Variants in TRAP1 observed in about 807,000 individuals in gnomAD.
TRAP1 encodes the protein TNF receptor associated protein 1.
In TRAP1, 102 loss-of-function variants were observed where a neutral mutation model predicts 89.1. The ratio of observed to expected loss-of-function variants is 1.15; its 90% CI spans 0.98 to 1.35. The LOEUF is 1.35. Ranked by LOEUF, TRAP1 falls within the 40% of genes most tolerant of loss-of-function variation. The pLI is 0.00. For synonymous variants in TRAP1, 508 were observed against 388.0 expected (o/e 1.31, Z -3.64); for missense variants, 1,256 against 945.3 (o/e 1.33, Z -4.31).
At position 3,670,653 on chromosome 16, in the gene TRAP1, G is replaced by A. The variant is rs529600215; in HGVS notation, c.1235+1069C>T. ...CAAGAGGTTGAGGCTGCAGTGAGCTGTGATCACACCACTGCATTCCAACCT... is the reference window on the plus strand; with the variant it reads ...CAAGAGGTTGAGGCTGCAGTGAGCTATGATCACACCACTGCATTCCAACCT... On this transcript the variant is annotated intron_variant, in intron 11 of 17. Coordinates refer to ENST00000246957, the MANE Select transcript of TRAP1 (RefSeq NM_016292.3). Among the ~76,000 whole-genome samples the A allele has an allele frequency of 8.5e-5, 13 of 152,314 alleles. No individual in the cohort carries two copies. In the South Asian group the frequency reaches 1.7e-3, roughly 19 times the overall value.
At position 3,674,524 on chromosome 16, in the gene TRAP1, C is replaced by G. The variant is rs751303818; in HGVS notation, c.889-30G>C. ...AAACGGAGATCGGCGGGGAGGGCGT[C>G]GTGTTCACCACGCACGTCTTCTCCA... is the stretch of plus-strand genomic sequence containing the variant. On this transcript the variant is annotated intron_variant, in intron 8 of 17. Transcript: ENST00000246957. 5 of 1,609,424 alleles carry G rather than the reference C, an allele frequency of 3.1e-6. No homozygotes were observed. The African/African-American group carries it at 6.7e-5, about 21-fold the overall frequency.
intron 4 of TRAP1, among the ~76,000 whole-genome samples, chr16:3,683,202 A>T (rs2051095588): frequency 1.3e-5 from 2 of 152,044 alleles, no homozygotes. Flanking sequence ...ATCAAAAACA[A>T]GGAAAGTCTG....
At chr16:3,665,236 C>G (rs1337739873) in intron 12 of TRAP1, 3 of 152,230 alleles carry the variant, frequency 2.0e-5, no homozygotes, top group Admixed American at 2.0e-4. Context: ...AACCAGAACA[C>G]GGCCTCCTTG....
intron 4 of TRAP1, among the ~76,000 whole-genome samples, chr16:3,681,482 A>C (rs2051072761): frequency 6.6e-6 from 1 of 152,230 alleles, no homozygotes; most frequent in Non-Finnish European, 1.5e-5. Flanking sequence ...ACATGTGTGC[A>C]TGTTTCACGG....
chr16:3,710,887 T>TTTTTTGTTTG, intron 1 of TRAP1, among the ~76,000 whole-genome samples: 2 of 145,346 alleles, frequency 1.4e-5, no homozygotes, highest in East Asian at 4.5e-4. Context: ...ATATTTTTTT[T>TTTTTTGTTTG]TTTGAGACAC....
chr16:3,706,179 C>T (rs1015325994), intron 1 of TRAP1, among the ~76,000 whole-genome samples: 4 of 152,124 alleles, frequency 2.6e-5, no homozygotes, highest in African/African-American at 9.7e-5. Flanking sequence ...GTCTCAAACT[C>T]CTGACCTCAA....
chr16:3,661,389 C>G (rs2043065104), intron 16 of TRAP1: 1 of 152,086 alleles, frequency 6.6e-6, no homozygotes, highest in African/African-American at 2.4e-5. Flanking sequence ...CTGGGGGGTT[C>G]TCGGTGCACC....
chr16:3,677,393 C>CAGAAAATGCCT, intron 6 of TRAP1, 105 bp downstream of exon 6: 1 of 1,467,526 alleles, frequency 6.8e-7, no homozygotes, highest in Non-Finnish European at 9.3e-7. Flanking sequence ...ATAAAAAGCC[C>CAGAAAATGCCT]AGAAAATGCC....
chr16:3,687,541 C>T (rs2051153741), intron 3 of TRAP1, among the ~76,000 whole-genome samples: 1 of 152,140 alleles, frequency 6.6e-6, no homozygotes, highest in Non-Finnish European at 1.5e-5. Context: ...CCCAGCTGTC[C>T]CTCAGGAGCT....
intron 11 of TRAP1, 111 bp downstream of exon 11, chr16:3,671,611 G>C: frequency 8.2e-7 from 1 of 1,223,462 alleles, no homozygotes; most frequent in Non-Finnish European, 1.2e-6. Flanking sequence ...GGGCTTCCCC[G>C]ACCACCTCTG....
At chr16:3,689,033 G>A in intron 3 of TRAP1, 22 bp downstream of exon 3, 2 of 1,584,846 alleles carry the variant, frequency 1.3e-6, no homozygotes, top group South Asian at 1.2e-5. Context: ...CTAGCATCGG[G>A]CATGGTTAGC....
intron 11 of TRAP1, among the ~76,000 whole-genome samples, chr16:3,666,420 T>C (rs371501385): frequency 2.6e-5 from 4 of 152,014 alleles, no homozygotes; most frequent in Admixed American, 2.0e-4. Context: ...GTTCCAATTA[T>C]AGGAACTGCA....
chr16:3,683,697 A>T (rs921256791), intron 4 of TRAP1, among the ~76,000 whole-genome samples: 1 of 151,796 alleles, frequency 6.6e-6, no homozygotes, highest in Non-Finnish European at 1.5e-5. Context: ...TAAGGTTTCA[A>T]TCATAAGGGA....
At chr16:3,698,453 C>G (rs565296391) in intron 1 of TRAP1, among the ~76,000 whole-genome samples, 1 of 151,982 alleles carries the variant, frequency 6.6e-6, no homozygotes, top group East Asian at 2.0e-4. Flanking sequence ...CAGGCGCCCG[C>G]CACCATGCCC....
chr16:3,708,493 C>T (rs1014940395), intron 1 of TRAP1, among the ~76,000 whole-genome samples: 11 of 151,856 alleles, frequency 7.2e-5, no homozygotes, highest in Admixed American at 7.2e-4. Context: ...AAAAATTAGC[C>T]GGGCGTGGTG....
At chr16:3,674,668 T>G (rs1376956940) in intron 8 of TRAP1, 174 bp from the exon 9 acceptor site, 1 of 738,198 alleles carries the variant, frequency 1.4e-6, no homozygotes, top group African/African-American at 1.8e-5. Flanking sequence ...TGCCGGGTAG[T>G]GCAGGGGAGA....
At position 3,661,977 on chromosome 16, in the gene TRAP1, G is replaced by A. The variant is rs536078728; in HGVS notation, c.1940+10C>T. The A allele has an allele frequency of 1.6e-5, 26 of 1,594,594 alleles. No individual in the cohort carries two copies. Among genetic ancestry groups the A allele is most frequent in the South Asian group, 8.9e-5 (8 of 89,804 alleles). ...CCCACAGGCTGGAAGAGCCAGGAGC[G>A]TGGCCTCACCTGGGGTTGATCTCCA... On this transcript the variant is annotated intron_variant, in intron 16 of 17. Coordinates refer to ENST00000246957, the MANE Select transcript of TRAP1 (RefSeq NM_016292.3).
At chr16:3,704,461 G>C (rs907822264) in intron 1 of TRAP1, 1 of 152,214 alleles carries the variant, frequency 6.6e-6, no homozygotes, top group African/African-American at 2.4e-5. Flanking sequence ...ATGTGGAAAA[G>C]TTAGTGTACA....
intron 1 of TRAP1, among the ~76,000 whole-genome samples, chr16:3,715,264 C>T (rs1309956130): frequency 1.3e-5 from 2 of 152,142 alleles, no homozygotes; most frequent in Non-Finnish European, 2.9e-5. Context: ...GGGTGAAACC[C>T]CGTCTCTACT....
Sources: gnomAD v4.1 joint callset for allele counts (sites outside exome capture counted in the v4.1 genomes callset) on GRCh38, gnomAD v4.1.1 for gene constraint, MANE v1.5 for transcripts, NCBI Gene and HGNC (gene_info 2026-07-23, HGNC 2026-07-21) for gene names.